Variants in SNTG1 observed in about 807,000 individuals in gnomAD.
SNTG1 encodes the protein gamma-1-syntrophin.
A neutral mutation model predicts 74.7 loss-of-function variants in SNTG1; 39 were observed. The ratio of observed to expected loss-of-function variants is 0.52; its 90% confidence interval spans 0.40 to 0.68. The LOEUF (loss-of-function observed/expected upper bound fraction) is 0.68. Among genes scored for constraint, SNTG1 ranks in the 30% least tolerant of loss-of-function variants. The pLI is 0.00. For synonymous variants in SNTG1, 254 were observed against 217.1 expected, an observed-to-expected ratio of 1.17 and a Z score of -1.49; for missense variants, 685 against 609.5, an observed-to-expected ratio of 1.12 and a Z score of -1.30.
chr8:49,931,395 G>A (rs1807576641), intron 1 of SNTG1, among the ~76,000 whole-genome samples: 1 of 152,128 alleles, frequency 6.6e-6, no homozygotes, highest in Non-Finnish European at 1.5e-5. Flanking sequence ...CATAGACACT[G>A]TAGACTACTA....
At chr8:50,786,152 T>G (rs1202471222) in intron 18 of SNTG1, among the ~76,000 whole-genome samples, 1 of 151,962 alleles carries the variant, frequency 6.6e-6, no homozygotes, top group Non-Finnish European at 1.5e-5. Flanking sequence ...CTATTGGTAC[T>G]AACTAGTAAA....
At chr8:50,138,151 G>T (rs985059934) in intron 1 of SNTG1, among the ~76,000 whole-genome samples, 1 of 151,974 alleles carries the variant, frequency 6.6e-6, no homozygotes, top group Non-Finnish European at 1.5e-5. Context: ...TTAGTGTGAG[G>T]ACTTTAACAG....
At chr8:49,942,096 C>T (rs767558939) in intron 1 of SNTG1, among the ~76,000 whole-genome samples, 25 of 152,072 alleles carry the variant, frequency 1.6e-4, no homozygotes, top group Admixed American at 2.6e-4. Context: ...GACAGACCTG[C>T]CTTTTCAATC....
intron 5 of SNTG1, among the ~76,000 whole-genome samples, chr8:50,438,960 AT>A (rs1472521938): frequency 7.9e-5 from 12 of 152,170 alleles, no homozygotes; most frequent in African/African-American, 2.9e-4. Flanking sequence ...TTTCACACTA[AT>A]AAAGCCCAAT....
chr8:50,698,577 C>A (rs891269020), intron 15 of SNTG1, among the ~76,000 whole-genome samples: 1 of 152,158 alleles, frequency 6.6e-6, no homozygotes, highest in African/African-American at 2.4e-5. Flanking sequence ...GTGGGAACCT[C>A]TTCCCTGCTT....
chr8:50,779,725 A>G (rs2095652804), intron 18 of SNTG1, among the ~76,000 whole-genome samples: 1 of 150,972 alleles, frequency 6.6e-6, no homozygotes, highest in Non-Finnish European at 1.5e-5. Context: ...CCCTGGCCAG[A>G]ACTTCCAACA....
At chr8:50,634,760 A>G (rs1283593938) in intron 13 of SNTG1, among the ~76,000 whole-genome samples, 1 of 152,174 alleles carries the variant, frequency 6.6e-6, no homozygotes, top group Non-Finnish European at 1.5e-5. Flanking sequence ...AGGCTCATAT[A>G]TCCACCACAA....
chr8:50,026,990 T>G (rs1817320967), intron 1 of SNTG1, among the ~76,000 whole-genome samples: 1 of 152,154 alleles, frequency 6.6e-6, no homozygotes, highest in African/African-American at 2.4e-5. Flanking sequence ...GCAAAGCCCA[T>G]GTCACTCATT....
At chr8:50,588,578 A>G (rs929880649) in intron 12 of SNTG1, among the ~76,000 whole-genome samples, 1 of 152,260 alleles carries the variant, frequency 6.6e-6, no homozygotes, top group African/African-American at 2.4e-5. Context: ...AAATCAGCTT[A>G]CACAATTTAT....
chr8:50,580,000 A>G (rs2094599944), intron 12 of SNTG1, among the ~76,000 whole-genome samples: 1 of 152,208 alleles, frequency 6.6e-6, no homozygotes, highest in African/African-American at 2.4e-5. Flanking sequence ...AAAGGAACAG[A>G]CACTCAATGT....
Position 50,151,669 on chromosome 8 carries a change from C to G in SNTG1, c.-102-20892C>G, listed in dbSNP as rs533105390. 2.6e-5 allele frequency among the ~76,000 whole-genome samples: 4 copies of G among 152,106 alleles called. No homozygotes were observed. The South Asian group carries it at 8.3e-4, about 32-fold the overall frequency. The stretch of plus-strand genomic sequence containing the variant: ...TTTCTGCCTTCATTTCATTGTGTAC[C>G]CAGTAGTCATTCATGAGCAGGTTGT... On this transcript the variant is annotated intron_variant, in intron 1 of 18. Coordinates refer to ENST00000642720, the MANE Select transcript of SNTG1 (RefSeq NM_018967.5).
intron 18 of SNTG1, among the ~76,000 whole-genome samples, chr8:50,778,000 A>C (rs1233545229): frequency 6.6e-6 from 1 of 151,736 alleles, no homozygotes; most frequent in Non-Finnish European, 1.5e-5. Context: ...ATGATTTCCA[A>C]TTTCATCCAT....
At chr8:49,985,540 G>C (rs1023926673) in intron 1 of SNTG1, among the ~76,000 whole-genome samples, 14 of 152,054 alleles carry the variant, frequency 9.2e-5, no homozygotes, top group Non-Finnish European at 1.3e-4. Context: ...TATAGATTAG[G>C]CTTTTAGTTA....
At chr8:50,645,863 G>A (rs563932316) in intron 13 of SNTG1, among the ~76,000 whole-genome samples, 8 of 151,720 alleles carry the variant, frequency 5.3e-5, no homozygotes, top group African/African-American at 9.7e-5. Flanking sequence ...TTAGCCTCTC[G>A]GCAATGATTT....
At chr8:50,208,581 T>A (rs957573529) in intron 2 of SNTG1, among the ~76,000 whole-genome samples, 1 of 152,230 alleles carries the variant, frequency 6.6e-6, no homozygotes, top group Admixed American at 6.5e-5. Context: ...ATATTTGTTA[T>A]CTGTGAATTT....
At chr8:50,695,113 G>A (rs2095399145) in intron 15 of SNTG1, among the ~76,000 whole-genome samples, 1 of 151,608 alleles carries the variant, frequency 6.6e-6, no homozygotes, top group Non-Finnish European at 1.5e-5. Context: ...AGAAATAAAT[G>A]GCATAAAGAC....
chr8:50,412,446 C>T (rs2092961502), intron 4 of SNTG1, among the ~76,000 whole-genome samples: 1 of 152,086 alleles, frequency 6.6e-6, no homozygotes, highest in Admixed American at 6.6e-5. Context: ...ATGTTTTTCA[C>T]TTCTAAATGA....
At chr8:50,037,690 AATTC>A (rs1264979228) in intron 1 of SNTG1, among the ~76,000 whole-genome samples, 1 of 152,218 alleles carries the variant, frequency 6.6e-6, no homozygotes, top group Non-Finnish European at 1.5e-5. Context: ...TCCTTGGACA[AATTC>A]ATTAATTATC....
rs114524631 is a variant in SNTG1, at chr8:50,744,880, T to C, written c.1285-7121T>C. Reference sequence around the variant, plus strand: ...AGGATAAAGTTAGACCCTGGCCTTATACCATACTCAAAAATTAACTCAAAA... The same window carrying C: ...AGGATAAAGTTAGACCCTGGCCTTACACCATACTCAAAAATTAACTCAAAA... On this transcript the variant is annotated intron_variant, in intron 17 of 18. Coordinates refer to ENST00000642720, the MANE Select transcript of SNTG1 (RefSeq NM_018967.5). 7.9e-3 allele frequency among the ~76,000 whole-genome samples: 1,208 copies of C among 152,104 alleles called. 8 individuals carry two copies. The highest frequency in any genetic ancestry group is 0.028 in the African/African-American group (1,144 of 41,540).
Sources: allele counts gnomAD v4.1 joint callset (sites outside exome capture counted in the v4.1 genomes callset), GRCh38; gene constraint gnomAD v4.1.1; transcripts MANE v1.5; gene names NCBI Gene and HGNC (gene_info 2026-07-23, HGNC 2026-07-21).